Variants in CCSER1 observed in about 807,000 individuals in gnomAD.
CCSER1 encodes the protein coiled-coil serine rich protein 1, also known as serine-rich coiled-coil domain-containing protein 1.
A neutral mutation model predicts 82.0 loss-of-function variants in CCSER1; 41 were observed. The observed-to-expected ratio is 0.50, with a 90% CI of 0.39 to 0.65. The LOEUF is 0.65. Among genes scored for constraint, CCSER1 ranks in the 30% least tolerant of loss-of-function variants. The pLI is 0.00. For synonymous variants in CCSER1, 414 were observed against 383.9 expected (o/e 1.08, Z -0.92); for missense variants, 1,119 against 1,064.2 (o/e 1.05, Z -0.72).
intron 3 of CCSER1, among the ~76,000 whole-genome samples, chr4:90,322,871 C>T (rs962306643): frequency 6.6e-6 from 1 of 152,040 alleles, no homozygotes; most frequent in Non-Finnish European, 1.5e-5. Flanking sequence ...CTGGGTCATG[C>T]CTGAAGCCAG....
intron 5 of CCSER1, among the ~76,000 whole-genome samples, chr4:90,623,749 C>T: frequency 6.6e-6 from 1 of 152,052 alleles, no homozygotes; most frequent in East Asian, 1.9e-4. Context: ...CAAGTGTTTT[C>T]CTAAAATAAC....
chr4:90,548,605 C>T (rs6828402), intron 5 of CCSER1, among the ~76,000 whole-genome samples: 24,209 of 151,706 alleles, frequency 0.16, 2,510 homozygotes, highest in East Asian at 0.43. Flanking sequence ...CCTAGTATGA[C>T]GTGTCTCCTA....
At chr4:91,491,641 T>A (rs1037794859) in intron 10 of CCSER1, among the ~76,000 whole-genome samples, 2 of 152,132 alleles carry the variant, frequency 1.3e-5, no homozygotes, top group African/African-American at 4.8e-5. Flanking sequence ...TATCTCTTTT[T>A]CTAAAATGCA....
intron 3 of CCSER1, among the ~76,000 whole-genome samples, chr4:90,341,459 A>T (rs1164960220): frequency 6.6e-6 from 1 of 152,098 alleles, no homozygotes; most frequent in Non-Finnish European, 1.5e-5. Context: ...GCATTTTTTA[A>T]ATATAATATC....
At chr4:91,479,708 TTTCTTTC>T (rs1757786430) in intron 10 of CCSER1, among the ~76,000 whole-genome samples, 3 of 39,350 alleles carry the variant, frequency 7.6e-5, no homozygotes, top group Non-Finnish European at 2.0e-4. Flanking sequence ...TTTTCTTTTT[TTTCTTTC>T]TTTTTTATTT....
intron 5 of CCSER1, among the ~76,000 whole-genome samples, chr4:90,554,459 C>T (rs1015068789): frequency 6.6e-6 from 1 of 152,146 alleles, no homozygotes; most frequent in Admixed American, 6.5e-5. Context: ...CCTTTAAATA[C>T]CGAAAATATT....
At chr4:91,262,431 A>C (rs944480408) in intron 10 of CCSER1, among the ~76,000 whole-genome samples, 7 of 152,082 alleles carry the variant, frequency 4.6e-5, no homozygotes, top group Middle Eastern at 6.8e-3. Context: ...TTTTTAACTG[A>C]GTTGCCCATA....
chr4:90,644,528 T>C (rs530168871), intron 6 of CCSER1, among the ~76,000 whole-genome samples: 7 of 152,176 alleles, frequency 4.6e-5, no homozygotes, highest in Admixed American at 2.0e-4. Flanking sequence ...GTTACATAGA[T>C]AAACGTGTGC....
chr4:90,630,288 C>T (rs1193399428), intron 6 of CCSER1, among the ~76,000 whole-genome samples: 1 of 152,212 alleles, frequency 6.6e-6, no homozygotes, highest in East Asian at 1.9e-4. Context: ...CTCAACTATT[C>T]AGCTTTTTAC....
Position 91,074,764 on chromosome 4 carries a change from A to G in CCSER1, c.2173-11186A>G, listed in dbSNP as rs141637380. Among the ~76,000 whole-genome samples the G allele has an allele frequency of 3.9e-5, 6 of 152,332 alleles. No individual in the cohort carries two copies. In the East Asian group the frequency reaches 9.6e-4, roughly 24 times the overall value. On this transcript the variant is annotated intron_variant, in intron 9 of 10. Transcript: ENST00000509176. ...TTCCTGTGCCTTCACGGCTAAAGCTAAATGTTAAAAAGTCACACAGTTACT... is the reference window on the plus strand; with the variant it reads ...TTCCTGTGCCTTCACGGCTAAAGCTGAATGTTAAAAAGTCACACAGTTACT...
At chr4:90,967,390 A>C (rs1473019229) in intron 9 of CCSER1, among the ~76,000 whole-genome samples, 1 of 152,010 alleles carries the variant, frequency 6.6e-6, no homozygotes, top group East Asian at 1.9e-4. Context: ...TGCAGGTTGC[A>C]GTGAGCTGAG....
In CCSER1 at chr4:90,290,355, C is replaced by T. The variant is rs77359923; in HGVS notation, c.-41-17889C>T. Among the ~76,000 whole-genome samples, 4 of 151,828 alleles carry T rather than the reference C, an allele frequency of 2.6e-5. No homozygotes were observed. In the East Asian group the frequency reaches 7.8e-4, roughly 30 times the overall value. On this transcript the variant is annotated intron_variant, in intron 1 of 10. Transcript: ENST00000509176. Reference sequence around the variant, plus strand: ...TATACTATATGCTAGGAAATATATACATAGGATTCCAATGCCAGTATGTGG... The same window carrying T: ...TATACTATATGCTAGGAAATATATATATAGGATTCCAATGCCAGTATGTGG...
intron 10 of CCSER1, among the ~76,000 whole-genome samples, chr4:91,570,344 C>T (rs1238911191): frequency 6.6e-6 from 1 of 152,172 alleles, no homozygotes; most frequent in East Asian, 1.9e-4. Context: ...AGGCAGTGCC[C>T]CAGTGGGGAC....
At chr4:91,109,101 A>G (rs1472900824) in intron 10 of CCSER1, among the ~76,000 whole-genome samples, 1 of 152,002 alleles carries the variant, frequency 6.6e-6, no homozygotes, top group Admixed American at 6.6e-5. Flanking sequence ...CAACACCCCC[A>G]CCCCATTCTT....
At chr4:90,983,498 T>A (rs1736308649) in intron 9 of CCSER1, among the ~76,000 whole-genome samples, 1 of 151,734 alleles carries the variant, frequency 6.6e-6, no homozygotes, top group Non-Finnish European at 1.5e-5. Context: ...TTTCGTGGAC[T>A]CTCTCCAGAT....
intron 6 of CCSER1, among the ~76,000 whole-genome samples, chr4:90,682,552 T>A (rs1487079354): frequency 2.6e-5 from 4 of 152,044 alleles, no homozygotes; most frequent in Non-Finnish European, 5.9e-5. Context: ...ACTTACCTTT[T>A]ATTTTTTTTT....
chr4:90,235,698 C>G (rs979085367), intron 1 of CCSER1, among the ~76,000 whole-genome samples: 1 of 151,564 alleles, frequency 6.6e-6, no homozygotes. Flanking sequence ...TTTCAGTGTG[C>G]TTTTGTAAAA....
rs185582046 is a variant in CCSER1 at position 90,964,686 on chromosome 4, C to G, written c.2172+41239C>G. On this transcript the variant is annotated intron_variant, in intron 9 of 10. Transcript: ENST00000509176. ...CTTGCAGTGATCCGAGATTGTGCCA[C>G]TGCATTCCAGCCTGGGCGACAGAGC... 2.4e-3 allele frequency among the ~76,000 whole-genome samples: 319 copies of G among 132,006 alleles called. 3 individuals carry two copies. The Admixed American group carries it at 0.027, about 11-fold the overall frequency. The allele number at this position is 132,006 out of a possible 152,430, so 86.6% of individuals were successfully genotyped here.
At chr4:90,851,271 G>A (rs535714890) in intron 8 of CCSER1, among the ~76,000 whole-genome samples, 3 of 152,250 alleles carry the variant, frequency 2.0e-5, no homozygotes, top group East Asian at 3.9e-4. Flanking sequence ...TTTCAGAGAA[G>A]CAAACCAAAA....
Sources: gnomAD v4.1 joint callset for allele counts (sites outside exome capture counted in the v4.1 genomes callset) on GRCh38, gnomAD v4.1.1 for gene constraint, MANE v1.5 for transcripts, NCBI Gene and HGNC (gene_info 2026-07-23, HGNC 2026-07-21) for gene names.